Variants in MIX23 observed in about 807,000 individuals in gnomAD.
MIX23 encodes the protein mitochondrial matrix import factor 23, also known as protein MIX23.
MIX23 carries 13 observed loss-of-function variants against 21.6 expected under a neutral mutation model. The observed-to-expected ratio is 0.60, with a 90% CI of 0.39 to 0.96. The LOEUF (loss-of-function observed/expected upper bound fraction) is 0.96, where lower values mean the gene tolerates loss of function less well. Among genes scored for constraint, MIX23 ranks in the 40% least tolerant of loss-of-function variants. The pLI, the probability that MIX23 is intolerant of heterozygous loss-of-function variation, is 0.00. For missense variants in MIX23, 144 were observed against 171.2 expected, an observed-to-expected ratio of 0.84 and a Z score of 0.89; for synonymous variants, 59 against 58.0, an observed-to-expected ratio of 1.02 and a Z score of -0.08.
chr3:122,367,787 T>C, intron 3 of MIX23: 1 of 192,786 alleles, frequency 5.2e-6, no homozygotes, highest in Non-Finnish European at 1.1e-5. Context: ...ATTTCCAAAA[T>C]ATATTAGAGA....
Position 122,359,733 on chromosome 3 carries a change from C to G in MIX23, c.*136G>C, listed in dbSNP as rs1055760152. ...GGTCTTGGCTAAGTGGGGCTGAAATCAACAAAAGGTCTTGGACTGTTGGCT... is the reference window on the plus strand; with the variant it reads ...GGTCTTGGCTAAGTGGGGCTGAAATGAACAAAAGGTCTTGGACTGTTGGCT... On this transcript the variant is annotated 3_prime_UTR_variant, in exon 5 of 5. Coordinates refer to ENST00000291458, the MANE Select transcript of MIX23 (RefSeq NM_001017928.4). 2.6e-6 allele frequency: 2 copies of G among 782,860 alleles called. No individual in the cohort carries two copies. The highest frequency in any genetic ancestry group is 3.4e-6 in the Non-Finnish European group (2 of 582,756). The allele number at this position is 782,860 out of a possible 1,614,324, so 48.5% of individuals were successfully genotyped here.
At chr3:122,374,685 G>C (rs1268214134) in intron 1 of MIX23, among the ~76,000 whole-genome samples, 2 of 152,168 alleles carry the variant, frequency 1.3e-5, no homozygotes, top group Admixed American at 1.3e-4. Context: ...TGTCTAGCAT[G>C]TGTCAGGCAC....
chr3:122,367,399 T>C (rs1333920516), intron 3 of MIX23, among the ~76,000 whole-genome samples: 1 of 152,242 alleles, frequency 6.6e-6, no homozygotes, highest in African/African-American at 2.4e-5. Flanking sequence ...ATTGTTTCCT[T>C]GACACGTCAC....
At chr3:122,371,306 T>C (rs2075439990) in intron 2 of MIX23, among the ~76,000 whole-genome samples, 1 of 152,266 alleles carries the variant, frequency 6.6e-6, no homozygotes, top group East Asian at 1.9e-4. Context: ...TTCTTCCTTG[T>C]ACCAGCTGCC....
chr3:122,363,571 A>G (rs2075375393), intron 3 of MIX23, among the ~76,000 whole-genome samples: 1 of 151,810 alleles, frequency 6.6e-6, no homozygotes, highest in Non-Finnish European at 1.5e-5. Context: ...TGATCATACA[A>G]CTACAGACTT....
intron 1 of MIX23, among the ~76,000 whole-genome samples, chr3:122,373,314 C>T (rs532925326): frequency 1.3e-5 from 2 of 151,640 alleles, no homozygotes; most frequent in East Asian, 3.9e-4. Flanking sequence ...CTCTGTTGCT[C>T]AGGCTGGAGT....
In MIX23 at chr3:122,359,830, T is replaced by TTAAAAAAA. The variant is rs777269009; in HGVS notation, c.*38_*39insTTTTTTTA. The stretch of plus-strand genomic sequence containing the variant: ...AGCTCTTATGAGATGACCCAGTCCT[T>TTAAAAAAA]AAAAAAAAAAAAAAAAAAAAAAAAA... On this transcript the variant is annotated 3_prime_UTR_variant, in exon 5 of 5. Transcript: ENST00000291458. 11 of 1,007,830 alleles carry TTAAAAAAA rather than the reference T, an allele frequency of 1.1e-5. No homozygotes were observed. The African/African-American group carries it at 3.6e-4, about 33-fold the overall frequency. 62.4% of individuals were successfully genotyped at this position (1,007,830 alleles called of 1,614,324 possible).
At chr3:122,373,816 G>A (rs992600782) in intron 1 of MIX23, among the ~76,000 whole-genome samples, 1 of 152,016 alleles carries the variant, frequency 6.6e-6, no homozygotes, top group Non-Finnish European at 1.5e-5. Context: ...TCATAATTCA[G>A]ACTAATAAAA....
chr3:122,375,915 T>C (rs935613694), intron 1 of MIX23, among the ~76,000 whole-genome samples: 1 of 152,050 alleles, frequency 6.6e-6, no homozygotes, highest in Non-Finnish European at 1.5e-5. Context: ...GGCTCACGCC[T>C]GACTTTGGGA....
intron 3 of MIX23, among the ~76,000 whole-genome samples, 167 bp from the exon 4 acceptor site, chr3:122,363,194 C>T (rs1303025146): frequency 6.6e-6 from 1 of 152,166 alleles, no homozygotes; most frequent in African/African-American, 2.4e-5. Context: ...TTCTTTGACA[C>T]AATCAGCTTT....
At chr3:122,381,136 G>A (rs903013932) in intron 1 of MIX23, among the ~76,000 whole-genome samples, 1 of 152,050 alleles carries the variant, frequency 6.6e-6, no homozygotes, top group African/African-American at 2.4e-5. Context: ...CCTGCCTAAG[G>A]CCCAACTCTC....
At chr3:122,368,979 T>C (rs187545869) in intron 2 of MIX23, among the ~76,000 whole-genome samples, 1 of 152,366 alleles carries the variant, frequency 6.6e-6, no homozygotes, top group Non-Finnish European at 1.5e-5. Context: ...AGAACAACTC[T>C]TGATAACCTC....
intron 1 of MIX23, among the ~76,000 whole-genome samples, chr3:122,382,540 C>T (rs1013015401): frequency 3.3e-5 from 5 of 152,190 alleles, no homozygotes; most frequent in African/African-American, 7.2e-5. Flanking sequence ...TGAATTGGAA[C>T]AGATAACTTT....
chr3:122,376,792 T>G (rs1283897082), intron 1 of MIX23, among the ~76,000 whole-genome samples: 1 of 152,128 alleles, frequency 6.6e-6, no homozygotes, highest in Non-Finnish European at 1.5e-5. Flanking sequence ...ATGGAAAGAA[T>G]AGACATTGGG....
chr3:122,371,867 A>G, intron 1 of MIX23, 67 bp from the exon 2 acceptor site: 2 of 1,354,774 alleles, frequency 1.5e-6, no homozygotes, highest in Non-Finnish European at 2.0e-6. Context: ...TAAGCATTTA[A>G]GTAAAAAATA....
At chr3:122,361,145 G>A (rs774032068) in intron 4 of MIX23, among the ~76,000 whole-genome samples, 29 of 152,074 alleles carry the variant, frequency 1.9e-4, no homozygotes, top group African/African-American at 6.8e-4. Flanking sequence ...AAAGTGCTGC[G>A]CCTGACCTAT....
chr3:122,382,902 T>C (rs1040516289), intron 1 of MIX23, among the ~76,000 whole-genome samples: 3 of 152,188 alleles, frequency 2.0e-5, no homozygotes, highest in Non-Finnish European at 2.9e-5. Flanking sequence ...TATCCACGCA[T>C]CCCGAGCTTT....
intron 1 of MIX23, among the ~76,000 whole-genome samples, chr3:122,374,793 T>C (rs2075471058): frequency 6.6e-6 from 1 of 152,152 alleles, no homozygotes; most frequent in Non-Finnish European, 1.5e-5. Context: ...ACAAGTGTCC[T>C]ATAAACAAGA....
At chr3:122,382,563 G>A (rs550379506) in intron 1 of MIX23, among the ~76,000 whole-genome samples, 1 of 152,260 alleles carries the variant, frequency 6.6e-6, no homozygotes, top group South Asian at 2.1e-4. Context: ...TGGCAACTTG[G>A]TCAAAACCAG....
Sources: allele counts gnomAD v4.1 joint callset (sites outside exome capture counted in the v4.1 genomes callset), GRCh38; gene constraint gnomAD v4.1.1; transcripts MANE v1.5; gene names NCBI Gene and HGNC (gene_info 2026-07-23, HGNC 2026-07-21).